HDGFL3: variants seen among roughly 807,000 people sequenced by gnomAD.
HDGFL3 encodes hepatoma-derived growth factor-related protein 3.
A neutral mutation model predicts 27.6 loss-of-function variants in HDGFL3; 6 were observed. The observed-to-expected ratio is 0.22, with a 90% CI of 0.12 to 0.43. The LOEUF is 0.43. HDGFL3 is among the 20% of genes least tolerant of loss of function. The pLI, the probability that HDGFL3 is intolerant of heterozygous loss-of-function variation, is 1.00. For missense variants in HDGFL3, 207 were observed against 250.1 expected (o/e 0.83, Z 1.16); for synonymous variants, 88 against 88.9 (o/e 0.99, Z 0.05).
At position 83,136,810 on chromosome 15, in the gene HDGFL3, G is replaced by C; in HGVS notation, c.*2460C>G. On this transcript the variant is annotated 3_prime_UTR_variant, in exon 6 of 6. Coordinates refer to ENST00000299633, the MANE Select transcript of HDGFL3 (RefSeq NM_016073.4). ...TTCTTGCTCTGCACTGTATGTGTGA[G>C]CTATATGGTATTGTGTAAATTTTTT... The C allele has an allele frequency of 3.0e-6, 2 of 660,346 alleles. No homozygotes were observed. The highest frequency in any genetic ancestry group is 3.6e-5 in the Admixed American group (1 of 27,700). 40.9% of individuals were successfully genotyped at this position (660,346 alleles called of 1,614,324 possible). A position where few individuals can be genotyped will look rare whatever the true frequency, so the allele number is the denominator to read the frequency against.
intron 1 of HDGFL3, among the ~76,000 whole-genome samples, chr15:83,183,766 GAA>G (rs58129931): frequency 0.053 from 7,123 of 133,532 alleles, 471 homozygotes; most frequent in African/African-American, 0.15. Context: ...TCAAAAAAAA[GAA>G]AAAAAAAAAA....
intron 1 of HDGFL3, among the ~76,000 whole-genome samples, chr15:83,200,019 TGG>T (rs1397147370): frequency 8.2e-5 from 10 of 122,124 alleles, no homozygotes; most frequent in East Asian, 2.5e-4. Flanking sequence ...CACTCCAGCC[TGG>T]GCGACAAAGC....
chr15:83,178,754 A>G (rs533249247), intron 1 of HDGFL3, among the ~76,000 whole-genome samples: 3 of 152,206 alleles, frequency 2.0e-5, no homozygotes, highest in Non-Finnish European at 2.9e-5. Flanking sequence ...TTAAAACATT[A>G]TATTGTTGTT....
intron 5 of HDGFL3, 23 bp from the exon 6 acceptor site, chr15:83,139,298 G>T: frequency 2.3e-6 from 3 of 1,328,884 alleles, no homozygotes; most frequent in Non-Finnish European, 3.0e-6. Flanking sequence ...AAAAAAGAAA[G>T]AAAACAAGCC....
At chr15:83,114,857 G>C (rs2034513844) in exon 4 of HDGFL3, 1 of 152,222 alleles carries the variant, frequency 6.6e-6, no homozygotes, top group African/African-American at 2.4e-5. Context: ...ATTTGTGCTA[G>C]TAGTTTTAAG....
At chr15:83,119,881 C>A in intron 3 of HDGFL3, 1 of 690,152 alleles carries the variant, frequency 1.4e-6, no homozygotes, top group Non-Finnish European at 2.3e-6. Context: ...TGCTCCCTAG[C>A]ATGGTGACAG....
intron 2 of HDGFL3, among the ~76,000 whole-genome samples, chr15:83,158,543 A>G (rs961315143): frequency 1.3e-4 from 20 of 152,198 alleles, no homozygotes; most frequent in African/African-American, 9.7e-5. Flanking sequence ...CTGTGGTCCA[A>G]TGGAAAATGA....
intron 3 of HDGFL3, among the ~76,000 whole-genome samples, chr15:83,117,719 T>C (rs761039797): frequency 6.6e-6 from 1 of 151,868 alleles, no homozygotes; most frequent in Non-Finnish European, 1.5e-5. Flanking sequence ...CCAGCTGTGA[T>C]AGAGAGGAGA....
intron 1 of HDGFL3, among the ~76,000 whole-genome samples, chr15:83,190,436 G>T (rs781099683): frequency 6.6e-6 from 1 of 152,146 alleles, no homozygotes; most frequent in African/African-American, 2.4e-5. Flanking sequence ...TATTGTATAA[G>T]AGTTTCTGTT....
At chr15:83,173,049 T>C (rs946913002) in intron 1 of HDGFL3, among the ~76,000 whole-genome samples, 3 of 152,176 alleles carry the variant, frequency 2.0e-5, no homozygotes, top group African/African-American at 7.2e-5. Context: ...AACTGTATTG[T>C]TTCATGTATT....
At chr15:83,155,610 A>T (rs1486293115) in intron 4 of HDGFL3, among the ~76,000 whole-genome samples, 1 of 152,228 alleles carries the variant, frequency 6.6e-6, no homozygotes, top group East Asian at 1.9e-4. Context: ...TCCCCATCCA[A>T]GGCAATCACA....
intron 1 of HDGFL3, among the ~76,000 whole-genome samples, chr15:83,189,741 T>A (rs1251165250): frequency 6.6e-6 from 1 of 152,192 alleles, no homozygotes; most frequent in African/African-American, 2.4e-5. Flanking sequence ...TGGCATACAG[T>A]GGGAATTCAA....
At chr15:83,175,065 C>T (rs2037291960) in intron 1 of HDGFL3, among the ~76,000 whole-genome samples, 1 of 152,242 alleles carries the variant, frequency 6.6e-6, no homozygotes, top group Non-Finnish European at 1.5e-5. Context: ...TGCATTCCCA[C>T]ATGGTAACAA....
chr15:83,196,528 T>C (rs888455703), intron 1 of HDGFL3, among the ~76,000 whole-genome samples: 3 of 152,080 alleles, frequency 2.0e-5, no homozygotes, highest in Non-Finnish European at 2.9e-5. Context: ...AAAATGACTA[T>C]AAAACACCAA....
chr15:83,193,360 G>A (rs2037534536), intron 1 of HDGFL3, among the ~76,000 whole-genome samples: 1 of 152,126 alleles, frequency 6.6e-6, no homozygotes, highest in South Asian at 2.1e-4. Flanking sequence ...CATTAAGGAA[G>A]TGCAAGTCAA....
intron 5 of HDGFL3, among the ~76,000 whole-genome samples, chr15:83,141,281 G>T (rs2036765550): frequency 6.6e-6 from 1 of 152,058 alleles, no homozygotes; most frequent in South Asian, 2.1e-4. Flanking sequence ...CTCTCTGGAG[G>T]TATCTAAATG....
chr15:83,178,524 TG>T (rs2037341073), intron 1 of HDGFL3, among the ~76,000 whole-genome samples: 1 of 152,058 alleles, frequency 6.6e-6, no homozygotes, highest in African/African-American at 2.4e-5. Context: ...ATTAGCCAGG[TG>T]TGGTGGTGCA....
At chr15:83,187,367 CTGTG>C (rs917305486) in intron 1 of HDGFL3, among the ~76,000 whole-genome samples, 4 of 151,946 alleles carry the variant, frequency 2.6e-5, no homozygotes, top group South Asian at 2.1e-4. Flanking sequence ...GAACTACTCT[CTGTG>C]TGTGTCTCTC....
At chr15:83,194,726 C>T (rs1054518674) in intron 1 of HDGFL3, among the ~76,000 whole-genome samples, 2 of 152,120 alleles carry the variant, frequency 1.3e-5, no homozygotes, top group Non-Finnish European at 2.9e-5. Context: ...CTCCTGGCAT[C>T]CTATGGAGAT....
Sources: allele counts gnomAD v4.1 joint callset (sites outside exome capture counted in the v4.1 genomes callset), GRCh38; gene constraint gnomAD v4.1.1; transcripts MANE v1.5; gene names NCBI Gene and HGNC (gene_info 2026-07-23, HGNC 2026-07-21).